The following FAM185A variants were observed in gnomAD, a reference collection of about 807,000 sequenced individuals.
FAM185A encodes protein FAM185A.
In FAM185A, 21 loss-of-function variants were observed where a neutral mutation model predicts 45.7. The ratio of observed to expected loss-of-function variants is 0.46; its 90% confidence interval spans 0.33 to 0.66. FAM185A has a LOEUF of 0.66. FAM185A is among the 30% of genes least tolerant of loss of function. The pLI is 0.03. For missense variants in FAM185A, 305 were observed against 485.4 expected (o/e 0.63, Z 3.49); for synonymous variants, 117 against 194.0 (o/e 0.60, Z 3.30).
the FAM185A span, among the ~76,000 whole-genome samples, chr7:102,844,661 T>C: frequency 6.6e-6 from 1 of 152,202 alleles, no homozygotes. Flanking sequence ...GGTTTTTCTA[T>C]ACACTGACCA....
chr7:102,766,217 T>A, intron 4 of FAM185A, among the ~76,000 whole-genome samples: 1 of 152,288 alleles, frequency 6.6e-6, no homozygotes, highest in Non-Finnish European at 1.5e-5. Context: ...TTTAAAAATT[T>A]ATGTTATGAT....
chr7:102,787,908 T>G (rs763740093), intron 7 of FAM185A, among the ~76,000 whole-genome samples: 1 of 152,212 alleles, frequency 6.6e-6, no homozygotes, highest in Non-Finnish European at 1.5e-5. Flanking sequence ...TTGTACATTT[T>G]TCATTATATC....
chr7:102,846,274 A>T, the FAM185A span, among the ~76,000 whole-genome samples: 1 of 152,226 alleles, frequency 6.6e-6, no homozygotes, highest in Non-Finnish European at 1.5e-5. Context: ...AGTCTAATCC[A>T]AAATGTTTTG....
intron 2 of FAM185A, among the ~76,000 whole-genome samples, chr7:102,753,422 G>A (rs138596928): frequency 0.016 from 2,389 of 149,556 alleles, 71 homozygotes; most frequent in African/African-American, 0.058. Flanking sequence ...AAAATTAAAA[G>A]TGGTTTCTTA....
the FAM185A span, chr7:102,827,269 C>A: frequency 2.9e-5 from 11 of 383,452 alleles, no homozygotes; most frequent in Admixed American, 2.0e-4. Context: ...CCTAGGCCAA[C>A]CAGCTCTAAG....
chr7:102,838,397 T>G, the FAM185A span, among the ~76,000 whole-genome samples: 1 of 152,086 alleles, frequency 6.6e-6, no homozygotes, highest in Non-Finnish European at 1.5e-5. Context: ...TTGTATGCAC[T>G]GCTTCTCTGT....
chr7:102,816,104 C>A, the FAM185A span: 2 of 152,198 alleles, frequency 1.3e-5, no homozygotes, highest in Non-Finnish European at 2.9e-5. Flanking sequence ...TCCCCCTTAC[C>A]CTAGCTCTGC....
At chr7:102,755,898 G>A (rs1268951427) in intron 2 of FAM185A, 27 of 704,614 alleles carry the variant, frequency 3.8e-5, no homozygotes, top group Admixed American at 1.0e-4. Flanking sequence ...TGCCAAGCTC[G>A]AAAAGGCAAA....
At chr7:102,785,015 CA>C (rs1795685758) in intron 6 of FAM185A, among the ~76,000 whole-genome samples, 1 of 151,480 alleles carries the variant, frequency 6.6e-6, no homozygotes, top group South Asian at 2.1e-4. Context: ...GTGCAAAAAT[CA>C]CAAGCATTCT....
At chr7:102,794,735 T>C (rs939421688) in intron 7 of FAM185A, among the ~76,000 whole-genome samples, 8 of 152,254 alleles carry the variant, frequency 5.3e-5, no homozygotes, top group Non-Finnish European at 1.2e-4. Context: ...TTATTTGTAA[T>C]AGCCAAAAAA....
chr7:102,758,457 T>A (rs1584279391), intron 3 of FAM185A, among the ~76,000 whole-genome samples: 29 of 91,932 alleles, frequency 3.2e-4, no homozygotes, highest in East Asian at 5.6e-4. Flanking sequence ...TTTTTTTTTT[T>A]TTATAGTAGC....
intron 7 of FAM185A, among the ~76,000 whole-genome samples, chr7:102,795,297 C>G (rs527543917): frequency 1.9e-4 from 29 of 152,116 alleles, no homozygotes; most frequent in Non-Finnish European, 3.7e-4. Flanking sequence ...TACAGAACCT[C>G]TCTCTACTGT....
the FAM185A span, among the ~76,000 whole-genome samples, chr7:102,842,143 G>A: frequency 0.014 from 2,145 of 152,252 alleles, 119 homozygotes; most frequent in East Asian, 0.16. Flanking sequence ...CCAAATGTCC[G>A]GACGTTCCAC....
intron 7 of FAM185A, among the ~76,000 whole-genome samples, chr7:102,798,458 G>T (rs7778760): frequency 0.45 from 68,324 of 151,638 alleles, 17,057 homozygotes; most frequent in African/African-American, 0.68. Context: ...AGCTGAAATT[G>T]CTTGTGTGTT....
At chr7:102,778,049 C>G (rs1795175448) in intron 6 of FAM185A, among the ~76,000 whole-genome samples, 1 of 152,214 alleles carries the variant, frequency 6.6e-6, no homozygotes, top group Non-Finnish European at 1.5e-5. Flanking sequence ...AAGTTAAGAA[C>G]TGTAGCTCTG....
chr7:102,767,813 A>G (rs891605733), intron 4 of FAM185A, among the ~76,000 whole-genome samples: 4 of 149,222 alleles, frequency 2.7e-5, no homozygotes, highest in African/African-American at 9.8e-5. Flanking sequence ...CCTGAACGTC[A>G]TCTGTAATGT....
chr7:102,813,429 T>C (rs1252806871), downstream of FAM185A: 2 of 1,614,114 alleles, frequency 1.2e-6, no homozygotes, highest in Non-Finnish European at 1.7e-6. Flanking sequence ...TGTCAAGCTC[T>C]GTAACAGGGT....
chr7:102,843,482 T>G, the FAM185A span, among the ~76,000 whole-genome samples: 3 of 151,884 alleles, frequency 2.0e-5, no homozygotes, highest in African/African-American at 7.3e-5. Context: ...CTGCCACAGC[T>G]TTTAAAGAAA....
chr7:102,751,059 G>A (rs1375169719), intron 1 of FAM185A, among the ~76,000 whole-genome samples: 1 of 152,134 alleles, frequency 6.6e-6, no homozygotes, highest in Non-Finnish European at 1.5e-5. Flanking sequence ...GACTACAGGT[G>A]CATGCTACCA....
Sources: allele counts gnomAD v4.1 joint callset (sites outside exome capture counted in the v4.1 genomes callset), GRCh38; gene constraint gnomAD v4.1.1; transcripts MANE v1.5; gene names NCBI Gene and HGNC (gene_info 2026-07-23, HGNC 2026-07-21).